PCP4: variants seen among roughly 807,000 people sequenced by gnomAD.
PCP4 encodes Purkinje cell protein 4, also known as calmodulin regulator protein PCP4.
Under a neutral mutation model 10.0 loss-of-function variants are expected in PCP4, and 8 were observed. The observed-to-expected ratio is 0.80, with a 90% confidence interval of 0.47 to 1.45. The LOEUF (loss-of-function observed/expected upper bound fraction) is 1.45, where lower values mean the gene tolerates loss of function less well. Among genes scored for constraint, PCP4 ranks in the 40% most tolerant of loss-of-function variants. PCP4 has a pLI of 0.00. For synonymous variants in PCP4, 21 were observed against 23.0 expected, an observed-to-expected ratio of 0.91 and a Z score of 0.24; for missense variants, 54 against 74.4, an observed-to-expected ratio of 0.73 and a Z score of 1.01.
rs982547849 is a variant in PCP4 at position 39,875,079 on chromosome 21, A to C, written c.9+7569A>C. On this transcript the variant is annotated intron_variant, in intron 1 of 2. Transcript: ENST00000328619. ...ACTGTGGTTAGCAGCAGGTAACTCA[A>C]ACCTCAGAAAGTGAAACCAAGGAAG... 5.9e-5 allele frequency among the ~76,000 whole-genome samples: 9 copies of C among 152,318 alleles called. No individual in the cohort carries two copies. In the East Asian group the frequency reaches 1.7e-3, roughly 29 times the overall value.
At chr21:39,902,546 A>G (rs1390706954) in intron 2 of PCP4, among the ~76,000 whole-genome samples, 1 of 152,188 alleles carries the variant, frequency 6.6e-6, no homozygotes. Context: ...ATTGTTGTCA[A>G]CATGGTATTT....
At chr21:39,917,493 G>A (rs2087574889) in intron 2 of PCP4, among the ~76,000 whole-genome samples, 1 of 152,192 alleles carries the variant, frequency 6.6e-6, no homozygotes, top group Non-Finnish European at 1.5e-5. Flanking sequence ...TGGAAGGAGG[G>A]TGCTTTGGGC....
chr21:39,882,878 G>A (rs566390835), intron 1 of PCP4, among the ~76,000 whole-genome samples: 3 of 152,282 alleles, frequency 2.0e-5, no homozygotes, highest in Non-Finnish European at 2.9e-5. Flanking sequence ...GAGAGAAATC[G>A]AATCTCTTCT....
Position 39,898,273 on chromosome 21 carries a change from A to C in PCP4, c.10-203A>C, listed in dbSNP as rs946853510. 6.3e-5 allele frequency: 39 copies of C among 622,532 alleles called. 1 individual carries two copies. The highest frequency in any genetic ancestry group is 1.1e-4 in the Non-Finnish European group (39 of 342,886). 38.6% of individuals were successfully genotyped at this position (622,532 alleles called of 1,614,324 possible). On this transcript the variant is annotated intron_variant, in intron 1 of 2. Transcript: ENST00000328619. ...ATTCCTAGAGCAGTGGATGTGGATG[A>C]GGGGGCCGGTCTGTGCAGCTTCAGT...
chr21:39,897,795 C>T (rs1053802350), intron 1 of PCP4, among the ~76,000 whole-genome samples: 2 of 151,826 alleles, frequency 1.3e-5, no homozygotes, highest in East Asian at 1.9e-4. Context: ...GCCTGTAATC[C>T]CAGCACTTTG....
chr21:39,907,111 G>A (rs983517703), intron 2 of PCP4, among the ~76,000 whole-genome samples: 1 of 152,178 alleles, frequency 6.6e-6, no homozygotes, highest in African/African-American at 2.4e-5. Flanking sequence ...GATTACAAAA[G>A]CACGGAAAAA....
chr21:39,911,688 T>C (rs191218658), intron 2 of PCP4, among the ~76,000 whole-genome samples: 1 of 152,368 alleles, frequency 6.6e-6, no homozygotes, highest in East Asian at 1.9e-4. Context: ...AATGGGATAC[T>C]GAGTTATAGC....
intron 2 of PCP4, among the ~76,000 whole-genome samples, chr21:39,913,412 T>G (rs927770794): frequency 1.3e-5 from 2 of 152,192 alleles, no homozygotes; most frequent in Non-Finnish European, 2.9e-5. Context: ...AGACATAAAA[T>G]ACTCACTTAC....
At chr21:39,927,785 A>T (rs1277778861) in intron 2 of PCP4, among the ~76,000 whole-genome samples, 1 of 152,062 alleles carries the variant, frequency 6.6e-6, no homozygotes, top group Non-Finnish European at 1.5e-5. Flanking sequence ...TTGTCCTTGG[A>T]TCTCAATTCT....
chr21:39,918,352 G>T (rs1050203257), intron 2 of PCP4, among the ~76,000 whole-genome samples: 2 of 152,066 alleles, frequency 1.3e-5, no homozygotes, highest in African/African-American at 4.8e-5. Flanking sequence ...ATAAGCCAGG[G>T]TGCCTCTGGA....
intron 2 of PCP4, among the ~76,000 whole-genome samples, chr21:39,919,179 A>C (rs1476943429): frequency 6.6e-6 from 1 of 151,458 alleles, no homozygotes; most frequent in African/African-American, 2.4e-5. Context: ...TTAGGAGGGA[A>C]CCCCACTCCC....
intron 1 of PCP4, among the ~76,000 whole-genome samples, chr21:39,896,567 C>T (rs1233470508): frequency 5.3e-5 from 8 of 152,188 alleles, no homozygotes; most frequent in Non-Finnish European, 1.0e-4. Flanking sequence ...TTTACATTGA[C>T]TCAGATGGAA....
At chr21:39,891,334 C>T (rs924820419) in intron 1 of PCP4, among the ~76,000 whole-genome samples, 3 of 152,196 alleles carry the variant, frequency 2.0e-5, no homozygotes, top group Non-Finnish European at 2.9e-5. Context: ...CTCCTGCCCA[C>T]ATCAATCACC....
intron 1 of PCP4, among the ~76,000 whole-genome samples, chr21:39,896,661 G>A (rs1416581390): frequency 6.6e-6 from 1 of 152,108 alleles, no homozygotes; most frequent in Admixed American, 6.5e-5. Flanking sequence ...AAGCATACAC[G>A]AGGATGGTTC....
intron 1 of PCP4, among the ~76,000 whole-genome samples, chr21:39,893,443 C>G (rs559267000): frequency 1.3e-5 from 2 of 152,208 alleles, no homozygotes; most frequent in Non-Finnish European, 2.9e-5. Flanking sequence ...TTCTGAAGCA[C>G]TCTACTTTTA....
At chr21:39,884,933 A>C (rs187455582) in intron 1 of PCP4, among the ~76,000 whole-genome samples, 2 of 152,356 alleles carry the variant, frequency 1.3e-5, no homozygotes, top group Admixed American at 1.3e-4. Context: ...CTTAAATAAA[A>C]ATAAGCCCAA....
chr21:39,923,709 A>G (rs997517475), intron 2 of PCP4, among the ~76,000 whole-genome samples: 1 of 152,192 alleles, frequency 6.6e-6, no homozygotes, highest in Non-Finnish European at 1.5e-5. Flanking sequence ...ATCTGTGTGA[A>G]GGAGAAAGTG....
intron 1 of PCP4, among the ~76,000 whole-genome samples, chr21:39,868,297 G>C (rs1393450374): frequency 1.3e-5 from 2 of 152,098 alleles, no homozygotes; most frequent in African/African-American, 4.8e-5. Flanking sequence ...CCTCTTGGTT[G>C]GCACTTAAAT....
chr21:39,893,246 C>T (rs541196883), intron 1 of PCP4, among the ~76,000 whole-genome samples: 2 of 152,292 alleles, frequency 1.3e-5, no homozygotes, highest in Admixed American at 1.3e-4. Context: ...CACTACTTTC[C>T]TGCAGATCTT....
Sources: gnomAD v4.1 joint callset for allele counts (sites outside exome capture counted in the v4.1 genomes callset) on GRCh38, gnomAD v4.1.1 for gene constraint, MANE v1.5 for transcripts, NCBI Gene and HGNC (gene_info 2026-07-23, HGNC 2026-07-21) for gene names.